Variants in ZNF701 observed in about 807,000 individuals in gnomAD.
The protein encoded by ZNF701 is zinc finger protein 701.
ZNF701 carries 6 observed loss-of-function variants against 7.1 expected under a neutral mutation model. The ratio of observed to expected loss-of-function variants is 0.84; its 90% CI spans 0.46 to 1.66. The LOEUF (loss-of-function observed/expected upper bound fraction) is 1.66. ZNF701 is among the 40% of genes most tolerant of loss of function. The probability of loss-of-function intolerance (pLI) is 0.01; values close to 1 mark genes in which losing one functional copy is unlikely to be tolerated. For synonymous variants in ZNF701, 166 were observed against 188.2 expected (o/e 0.88, Z 0.97); for missense variants, 541 against 559.2 (o/e 0.97, Z 0.33).
At position 52,575,943 on chromosome 19, in the gene ZNF701, T is replaced by C; in HGVS notation, c.64T>C (p.Trp22Arg). ...GGCCATAGAATTCTCTCAGGAGGAG[T>C]GGAAATGCCTGGACCCTGCTCAGAG... is the stretch of plus-strand genomic sequence containing the variant. Reference protein sequence around the residue: ...DVAIEFSQEEWKCLDPAQRTL... With the variant: ...DVAIEFSQEERKCLDPAQRTL... Residue 22 changes from tryptophan to arginine, a missense_variant, in exon 3 of 4, where the codon TGG becomes CGG. Trp to Arg is a moderately radical substitution (Grantham distance 101). Coordinates refer to ENST00000391785, the MANE Select transcript of ZNF701 (RefSeq NM_018260.3). 6.4e-7 allele frequency: 1 copy of C among 1,561,632 alleles called. No homozygotes were observed. The highest frequency in any genetic ancestry group is 8.6e-7 in the Non-Finnish European group (1 of 1,158,470).
intron 1 of ZNF701, among the ~76,000 whole-genome samples, chr19:52,571,207 G>T (rs1010093658): frequency 6.6e-6 from 1 of 151,250 alleles, no homozygotes; most frequent in Non-Finnish European, 1.5e-5. Flanking sequence ...GTAGAGAGGG[G>T]CAGCAAAGAG....
At chr19:52,593,145 A>G in the ZNF701 span, among the ~76,000 whole-genome samples, 5 of 118,530 alleles carry the variant, frequency 4.2e-5, 1 homozygote, top group Non-Finnish European at 7.4e-5. Context: ...TTTTCTTAGT[A>G]CAGAACAAAA....
rs193237328 is a variant in ZNF701 at position 52,572,463 on chromosome 19, A to T, written c.-71-1614A>T. On this transcript the variant is annotated intron_variant, in intron 1 of 3. Coordinates refer to ENST00000391785, the MANE Select transcript of ZNF701 (RefSeq NM_018260.3). ...AAATGTTGGGAATCAGTGGCATCAGAACTTGCAAAGGAAGTTTCTTTATCC... is the reference window on the plus strand; with the variant it reads ...AAATGTTGGGAATCAGTGGCATCAGTACTTGCAAAGGAAGTTTCTTTATCC... The T allele has an allele frequency of 2.2e-4, 271 of 1,218,384 alleles. No homozygotes were observed. In the African/African-American group the frequency reaches 3.7e-3, roughly 17 times the overall value. 75.5% of individuals were successfully genotyped at this position (1,218,384 alleles called of 1,614,324 possible). A position where few individuals can be genotyped will look rare whatever the true frequency, so the allele number is the denominator to read the frequency against.
At chr19:52,594,977 T>G in the ZNF701 span, among the ~76,000 whole-genome samples, 4 of 152,064 alleles carry the variant, frequency 2.6e-5, no homozygotes, top group Admixed American at 6.5e-5. Context: ...TAGGAGGCTC[T>G]TGACTGAACT....
Position 52,585,305 on chromosome 19 carries a change from GC to G in ZNF701, c.*1852del. On this transcript the variant is annotated 3_prime_UTR_variant, in exon 4 of 4. Coordinates refer to ENST00000391785, the MANE Select transcript of ZNF701 (RefSeq NM_018260.3). ...TCGGCGCCTGGAGGGCAGCGCTGCA[GC>G]CCCACTCCCGGGAAGGCCGCGTCCT... The G allele has an allele frequency of 6.7e-6, 1 of 149,872 alleles. No individual in the cohort carries two copies. The highest frequency in any genetic ancestry group is 1.5e-5 in the Non-Finnish European group (1 of 67,866). 9.3% of individuals were successfully genotyped at this position (149,872 alleles called of 1,614,324 possible). A position where few individuals can be genotyped will look rare whatever the true frequency, so the allele number is the denominator to read the frequency against.
At chr19:52,592,020 T>C (rs1477923957), downstream of ZNF701, 2 of 631,206 alleles carry the variant, frequency 3.2e-6, no homozygotes, top group African/African-American at 3.7e-5. Context: ...AAATCGATAC[T>C]TATTTTCTCT....
rs1319796477 is a variant in ZNF701 at position 52,586,201 on chromosome 19, C to G, written c.*2744C>G. ...GGACCACAGCCGCGCGCCACCACAC[C>G]GCGCCAATTTTTGTGTTCTTGGTAG... On this transcript the variant is annotated 3_prime_UTR_variant, in exon 4 of 4. Transcript: ENST00000391785. The G allele has an allele frequency of 6.6e-6, 1 of 152,032 alleles. No individual in the cohort carries two copies. The highest frequency in any genetic ancestry group is 1.5e-5 in the Non-Finnish European group (1 of 68,090). 9.4% of individuals were successfully genotyped at this position (152,032 alleles called of 1,614,324 possible). A position where few individuals can be genotyped will look rare whatever the true frequency, so the allele number is the denominator to read the frequency against.
At chr19:52,579,503 A>T (rs1462798443) in intron 3 of ZNF701, among the ~76,000 whole-genome samples, 1 of 123,388 alleles carries the variant, frequency 8.1e-6, no homozygotes, top group Non-Finnish European at 1.6e-5. Context: ...CTGGGCAACG[A>T]GAGCGAAACT....
chr19:52,580,993 G>A (rs1202850058), intron 3 of ZNF701, among the ~76,000 whole-genome samples: 1 of 80,218 alleles, frequency 1.2e-5, no homozygotes. Context: ...GCATGATGGT[G>A]CATGCCTGTA....
chr19:52,584,719 AT>A lies in ZNF701; in HGVS notation c.*1268del, dbSNP rs2059998043. 1.3e-5 allele frequency: 2 copies of A among 152,166 alleles called. No homozygotes were observed. Among genetic ancestry groups the A allele is most frequent in the East Asian group, 3.8e-4 (2 of 5,202 alleles). The allele number at this position is 152,166 out of a possible 1,614,324, so 9.4% of individuals were successfully genotyped here. A position where few individuals can be genotyped will look rare whatever the true frequency, so the allele number is the denominator to read the frequency against. ...GAAGTGTTTTTTAATTTTCGTTTAA[AT>A]TTTTTATTGTTTATGGAAATTCAAT... On this transcript the variant is annotated 3_prime_UTR_variant, in exon 4 of 4. Transcript: ENST00000391785.
chr19:52,594,167 A>C, the ZNF701 span: 1 of 120,088 alleles, frequency 8.3e-6, no homozygotes, highest in African/African-American at 3.3e-5. Flanking sequence ...AAAATACGAA[A>C]ACCAGTCAGG....
Position 52,580,949 on chromosome 19 carries a change from C to T in ZNF701, c.143-1253C>T, listed in dbSNP as rs143784118. Among the ~76,000 whole-genome samples the T allele has an allele frequency of 6.3e-3, 580 of 92,072 alleles. 7 individuals carry two copies. Among genetic ancestry groups the T allele is most frequent in the African/African-American group, 0.015 (535 of 35,662 alleles). 60.4% of individuals were successfully genotyped at this position (92,072 alleles called of 152,430 possible). A position where few individuals can be genotyped will look rare whatever the true frequency, so the allele number is the denominator to read the frequency against. On this transcript the variant is annotated intron_variant, in intron 3 of 3. Coordinates refer to ENST00000391785, the MANE Select transcript of ZNF701 (RefSeq NM_018260.3). ...GACAAACCTGGCCAATATGGTGAAA[C>T]CCCATCTCTACTAAAAATATAAAAA...
the ZNF701 span, among the ~76,000 whole-genome samples, chr19:52,593,523 GC>G: frequency 8.8e-6 from 1 of 114,012 alleles, no homozygotes; most frequent in African/African-American, 3.4e-5. Flanking sequence ...GGGGTGGCTG[GC>G]CGGGCGGGGG....
Position 52,583,065 on chromosome 19 carries a change from A to G in ZNF701, c.1006A>G (p.Ser336Gly), listed in dbSNP as rs774576376. ...YKCEECDKVF[S>G]RKSHLERHRR... ...ATGTGAAGAATGTGACAAAGTTTTC[A>G]GTCGCAAATCACACCTTGAAAGACA... Residue 336 changes from serine to glycine, a missense_variant, in exon 4 of 4, where the codon AGT becomes GGT. By Grantham distance (56) the Ser-to-Gly change is moderately conservative. Coordinates refer to ENST00000391785, the MANE Select transcript of ZNF701 (RefSeq NM_018260.3). 3 of 1,613,994 alleles carry G rather than the reference A, an allele frequency of 1.9e-6. No homozygotes were observed. Among genetic ancestry groups the G allele is most frequent in the Non-Finnish European group, 2.5e-6 (3 of 1,179,964 alleles).
At chr19:52,596,845 T>G in the ZNF701 span, 2 of 546,916 alleles carry the variant, frequency 3.7e-6, no homozygotes, top group Non-Finnish European at 7.5e-6. Context: ...ATCATAGACT[T>G]CATACTGTCT....
At chr19:52,593,986 T>C in the ZNF701 span, 1 of 127,990 alleles carries the variant, frequency 7.8e-6, no homozygotes, top group Admixed American at 8.8e-5. Flanking sequence ...GTGGAGGTTG[T>C]AGCGAGCCGA....
chr19:52,571,958 GGATT>G (rs1354014892), intron 1 of ZNF701, among the ~76,000 whole-genome samples: 1 of 152,008 alleles, frequency 6.6e-6, no homozygotes, highest in East Asian at 1.9e-4. Flanking sequence ...CTAGTAGCTG[GGATT>G]ACAGGCATGT....
rs956402275 is a variant in ZNF701, at chr19:52,585,172, C to T, written c.*1715C>T. 1 of 152,334 alleles carries T rather than the reference C, an allele frequency of 6.6e-6. No individual in the cohort carries two copies. Among genetic ancestry groups the T allele is most frequent in the African/African-American group, 2.4e-5 (1 of 41,462 alleles). 9.4% of individuals were successfully genotyped at this position (152,334 alleles called of 1,614,324 possible). Reference sequence around the variant, plus strand: ...TTTCTGCAGTAGGGCCGTGCAGACACCTCCTGTAGCGAAACTTTCCTTCTC... The same window carrying T: ...TTTCTGCAGTAGGGCCGTGCAGACATCTCCTGTAGCGAAACTTTCCTTCTC... On this transcript the variant is annotated 3_prime_UTR_variant, in exon 4 of 4. Coordinates refer to ENST00000391785, the MANE Select transcript of ZNF701 (RefSeq NM_018260.3).
Position 52,583,530 on chromosome 19 carries a change from AACCTT to A in ZNF701, c.*76_*80del. The A allele has an allele frequency of 6.2e-7, 1 of 1,601,040 alleles. No homozygotes were observed. The highest frequency in any genetic ancestry group is 8.6e-7 in the Non-Finnish European group (1 of 1,169,574). On this transcript the variant is annotated 3_prime_UTR_variant, in exon 4 of 4. Transcript: ENST00000391785. ...CATCATAGACTTTATACTGGAGAGA[AACCTT>A]ACAAATGTGAAGAATGTGACAAAAG...
Sources: gnomAD v4.1 joint callset for allele counts (sites outside exome capture counted in the v4.1 genomes callset) on GRCh38, gnomAD v4.1.1 for gene constraint, MANE v1.5 for transcripts, NCBI Gene and HGNC (gene_info 2026-07-23, HGNC 2026-07-21) for gene names.